Variants in ARHGAP6 observed in about 807,000 individuals in gnomAD.
The protein encoded by ARHGAP6 is rho GTPase-activating protein 6.
ARHGAP6 carries 16 observed loss-of-function variants against 55.7 expected under a neutral mutation model. That is an observed-to-expected ratio of 0.29 (90% CI 0.19 to 0.44). ARHGAP6 has a LOEUF of 0.44. ARHGAP6 is among the 20% of genes least tolerant of loss of function. ARHGAP6 has a pLI of 1.00. For missense variants in ARHGAP6, 698 were observed against 808.9 expected (o/e 0.86, Z 1.66); for synonymous variants, 382 against 360.9 (o/e 1.06, Z -0.66).
intron 1 of ARHGAP6, among the ~76,000 whole-genome samples, chrX:11,576,569 A>G (rs1038551048): frequency 1.2e-4 from 14 of 112,168 alleles, no homozygotes; most frequent in African/African-American, 4.5e-4. Flanking sequence ...TTGTTATTGA[A>G]CAACTGAAAA....
intron 1 of ARHGAP6, among the ~76,000 whole-genome samples, chrX:11,639,426 T>G (rs972479893): frequency 9.2e-6 from 1 of 109,136 alleles, no homozygotes; most frequent in African/African-American, 3.3e-5. Context: ...AGTTGTCTCA[T>G]TGTTCAATTC....
At chrX:11,444,082 CT>C (rs2050068535) in intron 1 of ARHGAP6, among the ~76,000 whole-genome samples, 1 of 111,833 alleles carries the variant, frequency 8.9e-6, no homozygotes, top group African/African-American at 3.3e-5. Context: ...ATTGAGTTAT[CT>C]GTTTAGAACA....
chrX:11,447,893 A>T (rs1197780859), intron 1 of ARHGAP6, among the ~76,000 whole-genome samples: 1 of 112,297 alleles, frequency 8.9e-6, no homozygotes, highest in Non-Finnish European at 1.9e-5. Flanking sequence ...ATGTATATTT[A>T]TTGATGCAAG....
intron 2 of ARHGAP6, among the ~76,000 whole-genome samples, chrX:11,239,748 A>G (rs2047248936): frequency 8.9e-6 from 1 of 112,112 alleles, no homozygotes; most frequent in Admixed American, 9.5e-5. Flanking sequence ...TTAAGCTCCA[A>G]TGCCTATTCT....
chrX:11,288,872 A>G (rs915436375), intron 1 of ARHGAP6, among the ~76,000 whole-genome samples: 1 of 112,380 alleles, frequency 8.9e-6, no homozygotes, highest in Non-Finnish European at 1.9e-5. Flanking sequence ...TTAAAAAACT[A>G]CTAATCTATG....
At chrX:11,596,715 G>T (rs901240743) in intron 1 of ARHGAP6, among the ~76,000 whole-genome samples, 6 of 111,234 alleles carry the variant, frequency 5.4e-5, no homozygotes, top group African/African-American at 2.0e-4. Context: ...AATTTGGAAG[G>T]TGTTCAAATT....
At chrX:11,495,130 A>G (rs2050609276) in intron 1 of ARHGAP6, among the ~76,000 whole-genome samples, 1 of 112,184 alleles carries the variant, frequency 8.9e-6, no homozygotes, top group African/African-American at 3.2e-5. Flanking sequence ...ATAGCGCACT[A>G]TATGAATGAA....
intron 1 of ARHGAP6, among the ~76,000 whole-genome samples, chrX:11,355,154 T>C (rs994470829): frequency 9.0e-6 from 1 of 111,390 alleles, no homozygotes; most frequent in African/African-American, 3.3e-5. Flanking sequence ...ACAAAAGCAT[T>C]ACACCAGGCA....
rs1466688829 is a variant in ARHGAP6, at chrX:11,169,756, T to C, written c.1630-72A>G. On this transcript the variant is annotated intron_variant, in intron 8 of 12. Transcript: ENST00000337414. ...AGATACTGGGTGATTCAACAATCAA[T>C]GAAACCTTTTACTCTCCTTTTTTTT... is the stretch of plus-strand genomic sequence containing the variant. 6.9e-6 allele frequency: 6 copies of C among 865,642 alleles called. No homozygotes were observed. In the African/African-American group the frequency reaches 1.1e-4, roughly 15 times the overall value. The allele number at this position is 865,642 out of a possible 1,213,427, so 71.3% of individuals were successfully genotyped here.
At chrX:11,400,459 C>A (rs1370489214) in intron 1 of ARHGAP6, among the ~76,000 whole-genome samples, 1 of 109,621 alleles carries the variant, frequency 9.1e-6, no homozygotes, top group Non-Finnish European at 1.9e-5. Context: ...AAAAAAAGAA[C>A]CAACATACCT....
chrX:11,255,207 G>A, intron 1 of ARHGAP6, among the ~76,000 whole-genome samples: 1 of 111,119 alleles, frequency 9.0e-6, no homozygotes, highest in Non-Finnish European at 1.9e-5. Context: ...ATGGTTATTA[G>A]ATATATATTT....
intron 1 of ARHGAP6, among the ~76,000 whole-genome samples, chrX:11,450,622 T>C (rs571569379): frequency 2.5e-4 from 28 of 111,508 alleles, no homozygotes; most frequent in African/African-American, 9.1e-4. Flanking sequence ...AAATCCGTTT[T>C]ACAGCATCAG....
chrX:11,340,862 T>C (rs1312661514), intron 1 of ARHGAP6, among the ~76,000 whole-genome samples: 1 of 112,167 alleles, frequency 8.9e-6, no homozygotes, highest in African/African-American at 3.3e-5. Flanking sequence ...GAAACTTCTA[T>C]GTCAGTCTTG....
chrX:11,571,911 T>A (rs139748422), intron 1 of ARHGAP6, among the ~76,000 whole-genome samples: 134 of 108,600 alleles, frequency 1.2e-3, no homozygotes, highest in African/African-American at 4.4e-3. Flanking sequence ...AAGGAAGAAG[T>A]CAAAGGGATT....
intron 1 of ARHGAP6, chrX:11,298,153 A>G (rs1218079634): frequency 8.3e-7 from 1 of 1,207,692 alleles, no homozygotes; most frequent in African/African-American, 1.7e-5. Flanking sequence ...TAGTGAGTCT[A>G]TATTTCCTAC....
At chrX:11,219,356 A>C (rs1326906873) in intron 2 of ARHGAP6, among the ~76,000 whole-genome samples, 2 of 102,402 alleles carry the variant, frequency 2.0e-5, no homozygotes, top group Non-Finnish European at 4.0e-5. Context: ...ATACGTGTGC[A>C]TGTGTCTTTA....
intron 1 of ARHGAP6, among the ~76,000 whole-genome samples, chrX:11,510,130 G>A (rs1334618890): frequency 8.9e-6 from 1 of 111,790 alleles, no homozygotes; most frequent in Non-Finnish European, 1.9e-5. Flanking sequence ...TATCGGATCA[G>A]GGCAAAATTA....
intron 1 of ARHGAP6, among the ~76,000 whole-genome samples, chrX:11,567,340 T>C (rs2051453878): frequency 9.1e-6 from 1 of 109,373 alleles, no homozygotes; most frequent in Admixed American, 9.7e-5. Flanking sequence ...TCCTACTAGG[T>C]AATACTGAGA....
At chrX:11,561,915 G>A (rs1334792667) in intron 1 of ARHGAP6, among the ~76,000 whole-genome samples, 5 of 111,975 alleles carry the variant, frequency 4.5e-5, no homozygotes, top group African/African-American at 6.5e-5. Context: ...AAATTCAGAC[G>A]GAGGCCAGTG....
Sources: gnomAD v4.1 joint callset for allele counts (sites outside exome capture counted in the v4.1 genomes callset) on GRCh38, gnomAD v4.1.1 for gene constraint, MANE v1.5 for transcripts, NCBI Gene and HGNC (gene_info 2026-07-23, HGNC 2026-07-21) for gene names.